WDR27: variants seen among roughly 807,000 people sequenced by gnomAD.
The protein encoded by WDR27 is WD repeat-containing protein 27.
WDR27 carries 100 observed loss-of-function variants against 114.4 expected under a neutral mutation model. The ratio of observed to expected loss-of-function variants is 0.87; its 90% CI spans 0.74 to 1.03. The LOEUF (loss-of-function observed/expected upper bound fraction) is 1.03. WDR27 is among the 50% of genes least tolerant of loss of function. WDR27 has a pLI of 0.00. For synonymous variants in WDR27, 449 were observed against 423.1 expected, an observed-to-expected ratio of 1.06 and a Z score of -0.75; for missense variants, 1,129 against 1,092.9, an observed-to-expected ratio of 1.03 and a Z score of -0.47.
rs183890697 is a variant in WDR27, at chr6:169,647,051, C to T, written c.1657+722G>A. On this transcript the variant is annotated intron_variant, in intron 16 of 25. Transcript: ENST00000448612. ...ATAGGACTTTGTGTCCAGCCCCAGG[C>T]AGGGGCACAGCTTGCCTGCAAGGAA... Among the ~76,000 whole-genome samples the T allele has an allele frequency of 1.7e-3, 257 of 152,272 alleles. 2 individuals carry two copies. The highest frequency in any genetic ancestry group is 5.4e-3 in the African/African-American group (224 of 41,558).
chr6:169,543,268 C>T (rs1797050054), intron 25 of WDR27, among the ~76,000 whole-genome samples: 1 of 151,980 alleles, frequency 6.6e-6, no homozygotes, highest in Non-Finnish European at 1.5e-5. Flanking sequence ...TAAATCTGAA[C>T]ACTCAGCACA....
chr6:169,664,037 G>T, intron 8 of WDR27, 129 bp downstream of exon 8: 1 of 887,620 alleles, frequency 1.1e-6, no homozygotes, highest in Non-Finnish European at 1.6e-6. Flanking sequence ...GGTTTTCTGA[G>T]GTTGCAGCCC....
At chr6:169,430,009 T>C in the WDR27 span, among the ~76,000 whole-genome samples, 1 of 152,188 alleles carries the variant, frequency 6.6e-6, no homozygotes, top group Non-Finnish European at 1.5e-5. Context: ...CCCTCATGTC[T>C]CCTGGTTCCA....
chr6:169,613,145 C>T (rs1425622421), intron 22 of WDR27, among the ~76,000 whole-genome samples: 1 of 152,208 alleles, frequency 6.6e-6, no homozygotes, highest in Non-Finnish European at 1.5e-5. Flanking sequence ...GCCCTCCCAA[C>T]TGTGACCTGA....
chr6:169,538,206 C>T (rs1212546906), intron 25 of WDR27, among the ~76,000 whole-genome samples: 1 of 152,160 alleles, frequency 6.6e-6, no homozygotes, highest in African/African-American at 2.4e-5. Context: ...CTGATGGTCA[C>T]AGGGTGGTGA....
chr6:169,538,655 G>A (rs1796472173), intron 25 of WDR27, among the ~76,000 whole-genome samples: 1 of 148,276 alleles, frequency 6.7e-6, no homozygotes, highest in South Asian at 2.1e-4. Flanking sequence ...CTTTTCACTG[G>A]TTTATTTATA....
In WDR27 at chr6:169,668,055, GGGCCCAGGTGGCCCTGCAGCTC is replaced by G. The variant is rs1193516962; in HGVS notation, c.565_586del (p.Glu189ArgfsTer2). 2.9e-5 allele frequency: 47 copies of G among 1,613,882 alleles called. No individual in the cohort carries two copies. The highest frequency in any genetic ancestry group is 3.9e-5 in the Non-Finnish European group (46 of 1,179,900). On this transcript the variant is annotated frameshift_variant, in exon 5 of 26. Transcript: ENST00000448612. LOFTEE classifies it high-confidence loss of function. ...GGGACAGAACTCCACCGCAGTCACC[GGGCCCAGGTGGCCCTGCAGCTC>G]GGCCCGAACAGCCTGAGTCTGAGAG...
chr6:169,445,826 C>T, the WDR27 span, among the ~76,000 whole-genome samples: 1 of 152,342 alleles, frequency 6.6e-6, no homozygotes, highest in Admixed American at 6.5e-5. Context: ...CTCGAAGCTT[C>T]TCAAGGAATC....
intron 25 of WDR27, among the ~76,000 whole-genome samples, chr6:169,480,008 G>T (rs1787737962): frequency 6.6e-6 from 1 of 152,208 alleles, no homozygotes; most frequent in African/African-American, 2.4e-5. Context: ...GCCAGAGCCG[G>T]CTCCCTCTGC....
At chr6:169,679,409 A>G (rs1234629616) in intron 2 of WDR27, among the ~76,000 whole-genome samples, 3 of 152,216 alleles carry the variant, frequency 2.0e-5, no homozygotes, top group Non-Finnish European at 4.4e-5. Flanking sequence ...AGGACATAAA[A>G]TGTAGGGGAC....
At chr6:169,600,099 C>T (rs1323054075) in intron 23 of WDR27, among the ~76,000 whole-genome samples, 1 of 152,098 alleles carries the variant, frequency 6.6e-6, no homozygotes, top group Non-Finnish European at 1.5e-5. Flanking sequence ...TCCTGAGTTC[C>T]AGTTTGTTCG....
At chr6:169,502,056 G>T (rs1003383037) in intron 25 of WDR27, among the ~76,000 whole-genome samples, 3 of 152,184 alleles carry the variant, frequency 2.0e-5, no homozygotes, top group South Asian at 2.1e-4. Context: ...GAACGGAGCC[G>T]CACGCACCAC....
intron 25 of WDR27, among the ~76,000 whole-genome samples, chr6:169,484,171 C>T (rs1274848059): frequency 6.6e-6 from 1 of 152,072 alleles, no homozygotes; most frequent in East Asian, 1.9e-4. Context: ...GAAGTCCTGG[C>T]CAGAGCAATC....
intron 13 of WDR27, among the ~76,000 whole-genome samples, chr6:169,654,546 C>T (rs1823470978): frequency 6.6e-6 from 1 of 152,226 alleles, no homozygotes; most frequent in Admixed American, 6.5e-5. Context: ...GGTTGCCAGA[C>T]GGCTCAGGAG....
intron 22 of WDR27, among the ~76,000 whole-genome samples, chr6:169,603,896 A>G (rs1808575829): frequency 6.6e-6 from 1 of 152,232 alleles, no homozygotes; most frequent in South Asian, 2.1e-4. Flanking sequence ...AGAAATTTTA[A>G]AATTTTTGAA....
chr6:169,574,680 C>T (rs1340729770), intron 24 of WDR27, among the ~76,000 whole-genome samples: 1 of 152,136 alleles, frequency 6.6e-6, no homozygotes, highest in Non-Finnish European at 1.5e-5. Flanking sequence ...TTCCAGGACT[C>T]GGTGAGTGTG....
chr6:169,477,151 T>G (rs941714559), intron 25 of WDR27, among the ~76,000 whole-genome samples: 1 of 152,258 alleles, frequency 6.6e-6, no homozygotes, highest in Admixed American at 6.5e-5. Context: ...GTCATTAGAT[T>G]TTCTGATGCT....
intron 17 of WDR27, among the ~76,000 whole-genome samples, chr6:169,639,280 G>A (rs1026121784): frequency 2.6e-5 from 4 of 152,118 alleles, no homozygotes; most frequent in African/African-American, 4.8e-5. Context: ...GTGAGTGAAC[G>A]CCTCGGCCCG....
intron 25 of WDR27, among the ~76,000 whole-genome samples, chr6:169,539,375 G>A (rs1349871100): frequency 1.3e-5 from 2 of 152,168 alleles, no homozygotes; most frequent in African/African-American, 4.8e-5. Flanking sequence ...TCCATTTCAT[G>A]TTGACAGGAA....
Sources: allele counts gnomAD v4.1 joint callset (sites outside exome capture counted in the v4.1 genomes callset), GRCh38; gene constraint gnomAD v4.1.1; transcripts MANE v1.5; gene names NCBI Gene and HGNC (gene_info 2026-07-23, HGNC 2026-07-21).